The following RPS6KA5 variants were observed in gnomAD, a reference collection of about 807,000 sequenced individuals.
RPS6KA5 encodes ribosomal protein S6 kinase A5.
In RPS6KA5, 27 loss-of-function variants were observed where a neutral mutation model predicts 85.5. That is an observed-to-expected ratio of 0.32 (90% CI 0.23 to 0.44). RPS6KA5 has a LOEUF of 0.44. Among genes scored for constraint, RPS6KA5 ranks in the 20% least tolerant of loss-of-function variants. The pLI is 1.00. For synonymous variants in RPS6KA5, 334 were observed against 348.2 expected, an observed-to-expected ratio of 0.96 and a Z score of 0.46; for missense variants, 811 against 980.9, an observed-to-expected ratio of 0.83 and a Z score of 2.31.
chr14:90,887,008 CAGG>C (rs2034270637), intron 14 of RPS6KA5, among the ~76,000 whole-genome samples: 1 of 152,076 alleles, frequency 6.6e-6, no homozygotes, highest in African/African-American at 2.4e-5. Flanking sequence ...TGAAACAAAT[CAGG>C]AGACTTCAAA....
chr14:90,976,072 G>T (rs1259631086), intron 3 of RPS6KA5, among the ~76,000 whole-genome samples: 4 of 151,930 alleles, frequency 2.6e-5, no homozygotes, highest in Admixed American at 6.6e-5. Flanking sequence ...CATGATTAAG[G>T]ACTACTGTTT....
chr14:90,890,777 T>C lies in RPS6KA5; in HGVS notation c.1645-99A>G, dbSNP rs1039530480. On this transcript the variant is annotated intron_variant, in intron 13 of 16. Transcript: ENST00000614987. ...ACTTTGTATATTGATAGTTGATTCA[T>C]GTGCAGAGAGGTCTCATGGGGAGGC... 20 of 1,125,596 alleles carry C rather than the reference T, an allele frequency of 1.8e-5. No individual in the cohort carries two copies. In the East Asian group the frequency reaches 4.0e-4, roughly 22 times the overall value. The allele number at this position is 1,125,596 out of a possible 1,614,324, so 69.7% of individuals were successfully genotyped here. A position where few individuals can be genotyped will look rare whatever the true frequency, so the allele number is the denominator to read the frequency against.
chr14:90,975,198 A>G (rs2039508549), intron 3 of RPS6KA5, among the ~76,000 whole-genome samples: 1 of 152,198 alleles, frequency 6.6e-6, no homozygotes, highest in Admixed American at 6.5e-5. Context: ...TAAAAAAAAA[A>G]AGATTTATAG....
intron 1 of RPS6KA5, among the ~76,000 whole-genome samples, chr14:91,020,584 T>TGTC (rs2041713721): frequency 1.4e-5 from 1 of 72,362 alleles, no homozygotes; most frequent in Non-Finnish European, 2.9e-5. Flanking sequence ...GTGTGTGTGT[T>TGTC]TATATGTGTA....
rs529980942 is a variant in RPS6KA5, at chr14:91,048,304, A to G, written c.103+12028T>C. Among the ~76,000 whole-genome samples the G allele has an allele frequency of 2.6e-5, 4 of 152,332 alleles. No homozygotes were observed. In the East Asian group the frequency reaches 7.7e-4, roughly 29 times the overall value. Reference sequence around the variant, plus strand: ...CAAATTCACTTTCTATATTCCAGAAAATAGGATATACAAAAATATTATTTA... The same window carrying G: ...CAAATTCACTTTCTATATTCCAGAAGATAGGATATACAAAAATATTATTTA... On this transcript the variant is annotated intron_variant, in intron 1 of 16. Transcript: ENST00000614987.
At chr14:90,905,713 G>C (rs768772885) in intron 8 of RPS6KA5, among the ~76,000 whole-genome samples, 1 of 152,108 alleles carries the variant, frequency 6.6e-6, no homozygotes, top group Non-Finnish European at 1.5e-5. Flanking sequence ...GATTACTTCT[G>C]GGAAAAGAGG....
intron 5 of RPS6KA5, among the ~76,000 whole-genome samples, chr14:90,940,771 T>A (rs780002448): frequency 1.3e-5 from 2 of 152,174 alleles, no homozygotes; most frequent in African/African-American, 2.4e-5. Context: ...CAGACAAGCA[T>A]TGCCACCTGA....
Position 90,958,675 on chromosome 14 carries a change from T to C in RPS6KA5, c.395-11125A>G, listed in dbSNP as rs552967388. On this transcript the variant is annotated intron_variant, in intron 3 of 16. Transcript: ENST00000614987. Reference sequence around the variant, plus strand: ...TCAACAGATATCTGAGCTCTTATTATGCATCAGCCTCTCTTCTAGGCACTG... The same window carrying C: ...TCAACAGATATCTGAGCTCTTATTACGCATCAGCCTCTCTTCTAGGCACTG... Among the ~76,000 whole-genome samples, 6 of 152,296 alleles carry C rather than the reference T, an allele frequency of 3.9e-5. No homozygotes were observed. In the East Asian group the frequency reaches 9.6e-4, roughly 24 times the overall value.
At chr14:90,956,968 T>G (rs929342579) in intron 3 of RPS6KA5, among the ~76,000 whole-genome samples, 13 of 51,430 alleles carry the variant, frequency 2.5e-4, no homozygotes, top group Non-Finnish European at 6.0e-4. Flanking sequence ...TTTTCTGTTT[T>G]TTTTTTTTTT....
chr14:91,021,797 C>G (rs1272478940), intron 1 of RPS6KA5, among the ~76,000 whole-genome samples: 5 of 152,104 alleles, frequency 3.3e-5, no homozygotes. Flanking sequence ...TCCTGACATG[C>G]CCCCTTTCTT....
At chr14:90,905,876 C>T (rs1272349781) in intron 8 of RPS6KA5, among the ~76,000 whole-genome samples, 1 of 152,058 alleles carries the variant, frequency 6.6e-6, no homozygotes, top group Non-Finnish European at 1.5e-5. Flanking sequence ...TCTAATGAAT[C>T]AGTATGTAGA....
intron 1 of RPS6KA5, among the ~76,000 whole-genome samples, chr14:91,007,821 A>G (rs894398389): frequency 3.9e-5 from 6 of 152,142 alleles, no homozygotes; most frequent in Non-Finnish European, 1.5e-5. Context: ...TCAGATTTAA[A>G]TAACTTTGTT....
chr14:90,962,950 T>C (rs191453760), intron 3 of RPS6KA5, among the ~76,000 whole-genome samples: 1 of 152,318 alleles, frequency 6.6e-6, no homozygotes, highest in African/African-American at 2.4e-5. Flanking sequence ...TAATTGTAAA[T>C]ATCAGAGCCA....
At chr14:90,938,397 A>C (rs2037392944) in intron 5 of RPS6KA5, among the ~76,000 whole-genome samples, 2 of 152,082 alleles carry the variant, frequency 1.3e-5, no homozygotes, top group Admixed American at 6.6e-5. Flanking sequence ...TGGTGGATCT[A>C]CCATTCTGAG....
intron 5 of RPS6KA5, among the ~76,000 whole-genome samples, chr14:90,930,974 G>A (rs2036942860): frequency 6.6e-6 from 1 of 152,154 alleles, no homozygotes; most frequent in Non-Finnish European, 1.5e-5. Flanking sequence ...ATGGAAAATA[G>A]TATAAATGTT....
At chr14:91,049,650 A>T (rs567618259) in intron 1 of RPS6KA5, among the ~76,000 whole-genome samples, 1 of 152,208 alleles carries the variant, frequency 6.6e-6, no homozygotes, top group South Asian at 2.1e-4. Flanking sequence ...GACAAGTACT[A>T]CAAAAAAAGT....
In RPS6KA5 at chr14:90,871,075, C is replaced by T. The variant is rs1302168263; in HGVS notation, c.*999G>A. ...CAGGAGGAAATTCCTCACTGTAGTA[C>T]AACACAGTGTACAAATATGAAGCAC... On this transcript the variant is annotated 3_prime_UTR_variant, in exon 17 of 17. Transcript: ENST00000614987. 1 of 152,432 alleles carries T rather than the reference C, an allele frequency of 6.6e-6. No individual in the cohort carries two copies. The highest frequency in any genetic ancestry group is 1.5e-5 in the Non-Finnish European group (1 of 67,970). The allele number at this position is 152,432 out of a possible 1,614,324, so 9.4% of individuals were successfully genotyped here.
intron 1 of RPS6KA5, among the ~76,000 whole-genome samples, chr14:91,053,083 A>T (rs928636701): frequency 1.3e-5 from 2 of 152,218 alleles, no homozygotes; most frequent in African/African-American, 4.8e-5. Context: ...AATTAATGTA[A>T]TACACCATAT....
intron 3 of RPS6KA5, among the ~76,000 whole-genome samples, chr14:90,952,332 G>A (rs2038241890): frequency 6.6e-6 from 1 of 152,234 alleles, no homozygotes; most frequent in East Asian, 1.9e-4. Context: ...GTTGGTTCGA[G>A]TTCAAGAAGG....
Sources: allele counts gnomAD v4.1 joint callset (sites outside exome capture counted in the v4.1 genomes callset), GRCh38; gene constraint gnomAD v4.1.1; transcripts MANE v1.5; gene names NCBI Gene and HGNC (gene_info 2026-07-23, HGNC 2026-07-21).